STPG2: variants seen among roughly 807,000 people sequenced by gnomAD.
The protein encoded by STPG2 is sperm-tail PG-rich repeat-containing protein 2.
Under a neutral mutation model 54.2 loss-of-function variants are expected in STPG2, and 56 were observed. The ratio of observed to expected loss-of-function variants is 1.03; its 90% CI spans 0.83 to 1.29. The LOEUF (loss-of-function observed/expected upper bound fraction) is 1.29, where lower values mean the gene tolerates loss of function less well. Among genes scored for constraint, STPG2 ranks in the 50% most tolerant of loss-of-function variants. The pLI, the probability that STPG2 is intolerant of heterozygous loss-of-function variation, is 0.00. For synonymous variants in STPG2, 200 were observed against 181.8 expected, an observed-to-expected ratio of 1.10 and a Z score of -0.81; for missense variants, 596 against 544.9, an observed-to-expected ratio of 1.09 and a Z score of -0.93.
At position 97,477,922 on chromosome 4, in the gene STPG2, C is replaced by T. The variant is rs183124550; in HGVS notation, c.462+234777G>A. Among the ~76,000 whole-genome samples the T allele has an allele frequency of 1.8e-3, 280 of 152,202 alleles. 1 individual carries two copies. Among genetic ancestry groups the T allele is most frequent in the African/African-American group, 6.4e-3 (265 of 41,520 alleles). ...ACACATATTTGTAAATCAGCTACTA[C>T]GTGATAAAAACTAGCATGTTAACTA... On this transcript the variant is annotated intron_variant, in intron 4 of 4. Coordinates refer to the STPG2 transcript ENST00000522676.
intron 5 of STPG2, among the ~76,000 whole-genome samples, chr4:97,993,519 G>T (rs1276542479): frequency 6.6e-6 from 1 of 151,458 alleles, no homozygotes. Flanking sequence ...GTTCATCAGG[G>T]ATATTGGTCT....
chr4:97,916,330 T>G (rs1440531577), intron 8 of STPG2: 1 of 152,550 alleles, frequency 6.6e-6, no homozygotes, highest in African/African-American at 2.4e-5. Flanking sequence ...ACATGTTAAC[T>G]TTGCTGCTGA....
intron 10 of STPG2, among the ~76,000 whole-genome samples, chr4:97,708,369 G>C (rs1724015613): frequency 6.6e-6 from 1 of 151,890 alleles, no homozygotes; most frequent in African/African-American, 2.4e-5. Flanking sequence ...AAAAATTACA[G>C]ATATGTATTA....
intron 5 of STPG2, among the ~76,000 whole-genome samples, chr4:98,086,929 A>G (rs924096000): frequency 7.9e-5 from 12 of 152,216 alleles, no homozygotes; most frequent in African/African-American, 2.4e-4. Flanking sequence ...GTTTACTTAC[A>G]TTATAGAATT....
chr4:97,747,016 A>T (rs1725438042), intron 9 of STPG2, among the ~76,000 whole-genome samples: 1 of 151,104 alleles, frequency 6.6e-6, no homozygotes, highest in African/African-American at 2.4e-5. Flanking sequence ...TTTATACAAA[A>T]AAAAAAAAAA....
At chr4:97,578,572 T>C (rs1292958745) in intron 10 of STPG2, among the ~76,000 whole-genome samples, 1 of 151,842 alleles carries the variant, frequency 6.6e-6, no homozygotes, top group African/African-American at 2.4e-5. Context: ...ATTGGAGACT[T>C]ACTTGGTGTG....
At chr4:98,068,185 C>T (rs1179902766) in intron 5 of STPG2, among the ~76,000 whole-genome samples, 1 of 152,200 alleles carries the variant, frequency 6.6e-6, no homozygotes, top group Non-Finnish European at 1.5e-5. Context: ...CTGGAACACA[C>T]TTTCCTTACC....
intron 8 of STPG2, among the ~76,000 whole-genome samples, chr4:97,880,823 A>G (rs2149164389): frequency 6.6e-6 from 1 of 152,260 alleles, no homozygotes; most frequent in East Asian, 1.9e-4. Context: ...ACTTAGGAGT[A>G]ACTGAGCTAT....
chr4:97,966,217 C>T (rs150109130), intron 7 of STPG2, among the ~76,000 whole-genome samples: 16 of 152,218 alleles, frequency 1.1e-4, no homozygotes, highest in African/African-American at 3.9e-4. Flanking sequence ...AACCATGGCA[C>T]AAGAACTTCA....
intron 10 of STPG2, among the ~76,000 whole-genome samples, chr4:97,582,346 C>T (rs533605155): frequency 2.6e-5 from 4 of 151,824 alleles, no homozygotes; most frequent in Admixed American, 2.0e-4. Flanking sequence ...AAATAGTAAA[C>T]ATCATGATGC....
chr4:98,114,402 A>G lies in STPG2; in HGVS notation c.388-5097T>C, dbSNP rs186501141. 3.3e-5 allele frequency among the ~76,000 whole-genome samples: 5 copies of G among 152,218 alleles called. No individual in the cohort carries two copies. In the East Asian group the frequency reaches 9.7e-4, roughly 29 times the overall value. ...CTAATATAATATAGTCATGCTGGAT[A>G]TTTTAGACATTGTATATATTTCACA... is the stretch of plus-strand genomic sequence containing the variant. On this transcript the variant is annotated intron_variant, in intron 3 of 10. Transcript: ENST00000295268.
intron 9 of STPG2, among the ~76,000 whole-genome samples, chr4:97,788,361 T>C (rs1427230256): frequency 6.6e-6 from 1 of 152,144 alleles, no homozygotes; most frequent in Non-Finnish European, 1.5e-5. Flanking sequence ...TCACTTAACA[T>C]AATGTTCTCT....
chr4:97,815,561 C>T (rs1251476619), intron 9 of STPG2, among the ~76,000 whole-genome samples: 2 of 152,082 alleles, frequency 1.3e-5, no homozygotes, highest in African/African-American at 4.8e-5. Flanking sequence ...TGTCATGTAA[C>T]ATAAGATGTA....
chr4:97,996,046 A>C (rs948489295), intron 5 of STPG2, among the ~76,000 whole-genome samples: 2 of 152,192 alleles, frequency 1.3e-5, no homozygotes, highest in Non-Finnish European at 2.9e-5. Context: ...TATTCCTATT[A>C]AACTACCAAT....
intron 10 of STPG2, among the ~76,000 whole-genome samples, chr4:97,623,639 C>T (rs10009622): frequency 0.64 from 97,130 of 151,972 alleles, 31,395 homozygotes; most frequent in African/African-American, 0.73. Flanking sequence ...AAAAATTTCA[C>T]TTTATTTTAA....
chr4:97,811,815 C>A (rs1727749278), intron 9 of STPG2, among the ~76,000 whole-genome samples: 1 of 151,698 alleles, frequency 6.6e-6, no homozygotes, highest in Non-Finnish European at 1.5e-5. Flanking sequence ...AATAAGCATG[C>A]CAGTGTGCAA....
chr4:97,879,566 G>A (rs1730298483), intron 8 of STPG2, among the ~76,000 whole-genome samples: 1 of 152,152 alleles, frequency 6.6e-6, no homozygotes, highest in Non-Finnish European at 1.5e-5. Context: ...CATGAGAACA[G>A]TATGGGGGAA....
intron 10 of STPG2, among the ~76,000 whole-genome samples, chr4:97,670,811 A>G (rs1052469841): frequency 6.6e-6 from 1 of 152,228 alleles, no homozygotes; most frequent in Non-Finnish European, 1.5e-5. Context: ...TGTTTAAAGG[A>G]CACAGGAGTA....
intron 8 of STPG2, among the ~76,000 whole-genome samples, chr4:97,941,121 A>G (rs1418131638): frequency 6.6e-6 from 1 of 152,122 alleles, no homozygotes; most frequent in Non-Finnish European, 1.5e-5. Flanking sequence ...AGAAAATATT[A>G]CTTCACCATC....
Sources: allele counts gnomAD v4.1 joint callset (sites outside exome capture counted in the v4.1 genomes callset), GRCh38; gene constraint gnomAD v4.1.1; transcripts MANE v1.5; gene names NCBI Gene and HGNC (gene_info 2026-07-23, HGNC 2026-07-21).